RIMS2: variants seen among roughly 807,000 people sequenced by gnomAD.
RIMS2 encodes the protein regulating synaptic membrane exocytosis 2.
Under a neutral mutation model 174.4 loss-of-function variants are expected in RIMS2, and 59 were observed. The observed-to-expected ratio is 0.34, with a 90% CI of 0.27 to 0.42. The LOEUF is 0.42. Among genes scored for constraint, RIMS2 ranks in the 10% least tolerant of loss-of-function variants. The pLI, the probability that RIMS2 is intolerant of heterozygous loss-of-function variation, is 1.00. For synonymous variants in RIMS2, 606 were observed against 572.5 expected, an observed-to-expected ratio of 1.06 and a Z score of -0.84; for missense variants, 1,620 against 1,666.3, an observed-to-expected ratio of 0.97 and a Z score of 0.48.
chr8:103,550,191 A>G (rs1847085205), intron 1 of RIMS2, among the ~76,000 whole-genome samples: 1 of 152,204 alleles, frequency 6.6e-6, no homozygotes, highest in Admixed American at 6.5e-5. Context: ...TCCAAAATTG[A>G]CCACATAGTT....
At chr8:103,588,039 A>G (rs568094829) in intron 1 of RIMS2, among the ~76,000 whole-genome samples, 1 of 152,218 alleles carries the variant, frequency 6.6e-6, no homozygotes, top group Admixed American at 6.5e-5. Flanking sequence ...ATTAGAACTA[A>G]TAAACAAATT....
chr8:103,617,131 A>G (rs965182695), intron 1 of RIMS2, among the ~76,000 whole-genome samples: 9 of 152,350 alleles, frequency 5.9e-5, no homozygotes, highest in African/African-American at 2.2e-4. Flanking sequence ...CTACAAGGCT[A>G]CAGTAACCAA....
chr8:103,887,755 T>A (rs1337934104), intron 4 of RIMS2, among the ~76,000 whole-genome samples: 3 of 151,546 alleles, frequency 2.0e-5, no homozygotes, highest in Non-Finnish European at 4.4e-5. Flanking sequence ...TAGAACACAT[T>A]AATTGTTTCC....
At chr8:104,008,402 A>AT (rs967023911) in intron 17 of RIMS2, among the ~76,000 whole-genome samples, 5 of 151,528 alleles carry the variant, frequency 3.3e-5, no homozygotes, top group African/African-American at 1.2e-4. Context: ...TGTTTCTGTT[A>AT]TTTTTTAAAT....
At chr8:103,992,283 T>TA (rs900801903) in intron 17 of RIMS2, among the ~76,000 whole-genome samples, 1 of 148,582 alleles carries the variant, frequency 6.7e-6, no homozygotes, top group African/African-American at 2.5e-5. Context: ...TATTTTTTTT[T>TA]TTTTTTTTTT....
intron 3 of RIMS2, among the ~76,000 whole-genome samples, chr8:103,787,458 G>T (rs1425552133): frequency 1.3e-5 from 2 of 150,462 alleles, no homozygotes; most frequent in Admixed American, 1.3e-4. Flanking sequence ...CTCTTTTAGG[G>T]CAGGCCTGGT....
intron 19 of RIMS2, among the ~76,000 whole-genome samples, chr8:104,199,084 C>T (rs539859286): frequency 1.8e-4 from 26 of 145,440 alleles, no homozygotes; most frequent in African/African-American, 3.2e-4. Flanking sequence ...TATTTTGAGA[C>T]GGAGTCTCTC....
At chr8:103,725,884 G>A (rs2097522566) in intron 2 of RIMS2, among the ~76,000 whole-genome samples, 1 of 152,108 alleles carries the variant, frequency 6.6e-6, no homozygotes, top group African/African-American at 2.4e-5. Context: ...TACTGGTTTG[G>A]CTTTTTATTT....
intron 16 of RIMS2, among the ~76,000 whole-genome samples, chr8:103,982,350 A>G (rs929907338): frequency 2.6e-5 from 4 of 152,032 alleles, no homozygotes; most frequent in Non-Finnish European, 5.9e-5. Flanking sequence ...TACTCAAACT[A>G]TTTCAAAAAA....
intron 3 of RIMS2, among the ~76,000 whole-genome samples, chr8:103,855,115 A>G (rs1356201313): frequency 2.0e-5 from 3 of 151,586 alleles, no homozygotes; most frequent in African/African-American, 4.8e-5. Context: ...GAATTCATCT[A>G]TTTCCTCTGT....
chr8:103,938,285 T>G (rs1353109411), intron 13 of RIMS2, among the ~76,000 whole-genome samples: 1 of 152,140 alleles, frequency 6.6e-6, no homozygotes, highest in Non-Finnish European at 1.5e-5. Context: ...GGATTTAATG[T>G]ACTTACAGTT....
chr8:103,787,420 T>A (rs2154438684), intron 3 of RIMS2, among the ~76,000 whole-genome samples: 1 of 151,460 alleles, frequency 6.6e-6, no homozygotes, highest in Admixed American at 6.6e-5. Context: ...CGGTTGTTCC[T>A]TTCCATGTTT....
chr8:104,155,969 CT>C (rs1336141727), intron 19 of RIMS2, among the ~76,000 whole-genome samples: 1 of 152,118 alleles, frequency 6.6e-6, no homozygotes, highest in Non-Finnish European at 1.5e-5. Context: ...AAACCTTACC[CT>C]AGGTTTATAC....
At chr8:104,110,981 C>T (rs889081917) in intron 19 of RIMS2, among the ~76,000 whole-genome samples, 1 of 152,062 alleles carries the variant, frequency 6.6e-6, no homozygotes, top group Non-Finnish European at 1.5e-5. Flanking sequence ...CAAACTTTGG[C>T]CTCTATTCTT....
At chr8:104,014,725 C>T (rs1043437893) in intron 19 of RIMS2, 110 bp downstream of exon 21, 1 of 578,500 alleles carries the variant, frequency 1.7e-6, no homozygotes, top group Admixed American at 2.6e-5. Flanking sequence ...TAATTGTATG[C>T]CTTGTCTGTA....
chr8:103,948,859 T>G (rs1460463848), intron 14 of RIMS2, among the ~76,000 whole-genome samples: 1 of 151,834 alleles, frequency 6.6e-6, no homozygotes, highest in African/African-American at 2.4e-5. Flanking sequence ...GCATGATGGC[T>G]CACACCTGTA....
chr8:103,682,123 G>A (rs1357153853), intron 1 of RIMS2, among the ~76,000 whole-genome samples: 4 of 152,054 alleles, frequency 2.6e-5, no homozygotes, highest in Admixed American at 2.6e-4. Flanking sequence ...GAGTTTTCTT[G>A]AATTTGAGGT....
intron 1 of RIMS2, among the ~76,000 whole-genome samples, chr8:103,651,789 G>A (rs1013012392): frequency 2.0e-5 from 3 of 151,058 alleles, no homozygotes; most frequent in Non-Finnish European, 4.4e-5. Flanking sequence ...AAATACATTC[G>A]TAAAACTCTA....
At chr8:103,646,582 C>T (rs1165367387) in intron 1 of RIMS2, among the ~76,000 whole-genome samples, 2 of 152,074 alleles carry the variant, frequency 1.3e-5, no homozygotes, top group African/African-American at 2.4e-5. Flanking sequence ...TTGTTGTTTC[C>T]CCCATGTGTC....
Sources: gnomAD v4.1 joint callset for allele counts (sites outside exome capture counted in the v4.1 genomes callset) on GRCh38, gnomAD v4.1.1 for gene constraint, MANE v1.5 for transcripts, NCBI Gene and HGNC (gene_info 2026-07-23, HGNC 2026-07-21) for gene names.